Variants in ZC2HC1B observed in about 807,000 individuals in gnomAD.
The protein encoded by ZC2HC1B is zinc finger C2HC domain-containing protein 1B.
Under a neutral mutation model 31.0 loss-of-function variants are expected in ZC2HC1B, and 36 were observed. That is an observed-to-expected ratio of 1.16 (90% confidence interval 0.89 to 1.54). ZC2HC1B has a LOEUF of 1.54. Ranked by LOEUF, ZC2HC1B falls within the 40% of genes most tolerant of loss-of-function variation. The pLI is 0.00. For missense variants in ZC2HC1B, 260 were observed against 268.6 expected (o/e 0.97, Z 0.22); for synonymous variants, 73 against 88.0 (o/e 0.83, Z 0.95).
At chr6:143,876,006 G>T (rs1365234191) in intron 1 of ZC2HC1B, among the ~76,000 whole-genome samples, 1 of 150,640 alleles carries the variant, frequency 6.6e-6, no homozygotes, top group African/African-American at 2.4e-5. Flanking sequence ...AAAGTTGCAG[G>T]GTCCCATTCT....
chr6:143,936,565 G>C (rs1350591860), intron 6 of ZC2HC1B, among the ~76,000 whole-genome samples: 2 of 152,234 alleles, frequency 1.3e-5, no homozygotes, highest in Non-Finnish European at 2.9e-5. Flanking sequence ...TGTACTGATG[G>C]CTGTTTTCTG....
intron 1 of ZC2HC1B, among the ~76,000 whole-genome samples, chr6:143,877,316 C>A (rs1240137482): frequency 3.8e-5 from 1 of 26,098 alleles, no homozygotes; most frequent in Non-Finnish European, 7.0e-5. Flanking sequence ...GAGTTTTGCT[C>A]TTTTTGCCCA....
intron 1 of ZC2HC1B, among the ~76,000 whole-genome samples, chr6:143,882,335 TATATATATATATATA>T (rs1272880451): frequency 1.5e-4 from 7 of 48,226 alleles, no homozygotes; most frequent in East Asian, 7.4e-4. Context: ...TTATATTTTT[TATATATATATATATA>T]TATATATATA....
chr6:143,888,725 G>T (rs998407758), intron 4 of ZC2HC1B, among the ~76,000 whole-genome samples: 1 of 151,768 alleles, frequency 6.6e-6, no homozygotes, highest in African/African-American at 2.4e-5. Context: ...ATGGATCTTT[G>T]TATGTTGACT....
At position 143,898,608 on chromosome 6, in the gene ZC2HC1B, C is replaced by T. The variant is rs1453695300; in HGVS notation, c.406C>T (p.His136Tyr). The part of the protein sequence containing the change: ...RRFNESAAER[H>Y]TNFCKDQSSR... ...GTTTAATGAAAGCGCAGCTGAGCGA[C>T]ATACTAATTTCTGCAAGGATCAGTC... The change falls in exon 5 of 8, where the codon CAT becomes TAT. Residue 136 changes from histidine (H) to tyrosine (Y), a missense_variant. By Grantham distance (83) the His-to-Tyr change is moderately conservative. Coordinates refer to ENST00000237275, the MANE Select transcript of ZC2HC1B (RefSeq NM_001013623.3). The T allele has an allele frequency of 6.4e-7, 1 of 1,551,872 alleles. No individual in the cohort carries two copies. The highest frequency in any genetic ancestry group is 2.4e-5 in the East Asian group (1 of 40,928).
intron 4 of ZC2HC1B, 59 bp from the exon 5 acceptor site, chr6:143,898,493 A>G: frequency 6.6e-7 from 1 of 1,518,386 alleles, no homozygotes. Context: ...ATAATTCTAT[A>G]GTATTCTATA....
chr6:143,931,242 T>G (rs534885980), intron 6 of ZC2HC1B, among the ~76,000 whole-genome samples: 1 of 152,348 alleles, frequency 6.6e-6, no homozygotes, highest in South Asian at 2.1e-4. Context: ...ACTTCATCGG[T>G]GGATTTTTGT....
chr6:143,866,236 A>T (rs1188605883), intron 1 of ZC2HC1B, among the ~76,000 whole-genome samples: 1 of 152,218 alleles, frequency 6.6e-6, no homozygotes, highest in Non-Finnish European at 1.5e-5. Context: ...TAAGCTGAAA[A>T]CATGGTAAGC....
At chr6:143,901,102 G>A (rs1777732535) in intron 5 of ZC2HC1B, among the ~76,000 whole-genome samples, 1 of 151,894 alleles carries the variant, frequency 6.6e-6, no homozygotes, top group Admixed American at 6.6e-5. Flanking sequence ...GCCTCCCAAA[G>A]TGCTGGGATG....
rs1218715192 is a variant in ZC2HC1B at position 143,895,427 on chromosome 6, T to A, written c.350-3125T>A. 6.6e-6 allele frequency among the ~76,000 whole-genome samples: 1 copy of A among 152,122 alleles called. No homozygotes were observed. Among genetic ancestry groups the A allele is most frequent in the East Asian group, 1.9e-4 (1 of 5,200 alleles). On this transcript the variant is annotated intron_variant, in intron 4 of 7. Transcript: ENST00000237275. The surrounding 1 kb of genome is among the most constrained non-coding windows in gnomAD (Gnocchi z 4.8). Reference sequence around the variant, plus strand: ...ATGCACATGCCTCGGCCTCCCAAAGTGCTGGGATTACAGGCATGAGCCACT... The same window carrying A: ...ATGCACATGCCTCGGCCTCCCAAAGAGCTGGGATTACAGGCATGAGCCACT...
chr6:143,930,629 G>A (rs755480527), intron 6 of ZC2HC1B, among the ~76,000 whole-genome samples: 25 of 151,936 alleles, frequency 1.6e-4, no homozygotes, highest in African/African-American at 4.1e-4. Flanking sequence ...TGCCTGCCTC[G>A]GCCTCCCAAA....
chr6:143,937,186 G>A (rs946224201), intron 6 of ZC2HC1B, among the ~76,000 whole-genome samples: 5 of 152,124 alleles, frequency 3.3e-5, no homozygotes, highest in Admixed American at 2.0e-4. Flanking sequence ...AAAGAATACT[G>A]TTTGTGGAAT....
chr6:143,931,404 A>C (rs564353973), intron 6 of ZC2HC1B, among the ~76,000 whole-genome samples: 5 of 151,836 alleles, frequency 3.3e-5, no homozygotes, highest in African/African-American at 1.2e-4. Flanking sequence ...TGCTTTTTTC[A>C]TTTCATTATT....
chr6:143,864,670 T>C, intron 1 of ZC2HC1B, 103 bp downstream of exon 1: 4 of 1,257,672 alleles, frequency 3.2e-6, no homozygotes, highest in Non-Finnish European at 3.4e-6. Flanking sequence ...TTCTACCATG[T>C]GTGATCCGTT....
At chr6:143,876,655 A>G (rs1350871983) in intron 1 of ZC2HC1B, among the ~76,000 whole-genome samples, 1 of 150,348 alleles carries the variant, frequency 6.7e-6, no homozygotes, top group African/African-American at 2.5e-5. Context: ...AGGGAAATGT[A>G]TTAAGTATTA....
intron 6 of ZC2HC1B, among the ~76,000 whole-genome samples, chr6:143,928,932 G>A (rs1582977965): frequency 6.6e-6 from 1 of 150,436 alleles, no homozygotes; most frequent in Non-Finnish European, 1.5e-5. Context: ...GATTTTTGTC[G>A]ATTTTGTATC....
At position 143,870,039 on chromosome 6, in the gene ZC2HC1B, T is replaced by C. The variant is rs1158696068; in HGVS notation, c.28+5472T>C. On this transcript the variant is annotated intron_variant, in intron 1 of 7. Transcript: ENST00000237275. This position sits in a 1 kb window ranked among gnomAD's most constrained non-coding sequence, Gnocchi z 4.7. The stretch of plus-strand genomic sequence containing the variant: ...TCCAGTTTTTGACCACTCAGAGAGG[T>C]CCATCCACATACCTCTTCCCCAAAT... Among the ~76,000 whole-genome samples, 3 of 152,156 alleles carry C rather than the reference T, an allele frequency of 2.0e-5. No individual in the cohort carries two copies. Among genetic ancestry groups the C allele is most frequent in the Admixed American group, 6.5e-5 (1 of 15,286 alleles).
intron 6 of ZC2HC1B, among the ~76,000 whole-genome samples, chr6:143,935,249 G>T (rs983773904): frequency 1.3e-5 from 2 of 152,058 alleles, no homozygotes; most frequent in African/African-American, 4.8e-5. Context: ...CACAGGCAGG[G>T]TGAGCTGACC....
chr6:143,919,357 C>T (rs1777960749), intron 6 of ZC2HC1B, among the ~76,000 whole-genome samples: 1 of 150,894 alleles, frequency 6.6e-6, no homozygotes, highest in Admixed American at 6.6e-5. Context: ...CTGGGTGTGT[C>T]ATGTTCACCT....
Sources: gnomAD v4.1 joint callset for allele counts (sites outside exome capture counted in the v4.1 genomes callset) on GRCh38, gnomAD v4.1.1 for gene constraint, Gnocchi (gnomAD v3.1) non-coding constraint, MANE v1.5 for transcripts, NCBI Gene and HGNC (gene_info 2026-07-23, HGNC 2026-07-21) for gene names.